The following RFX2 variants were observed in gnomAD, a reference collection of about 807,000 sequenced individuals.
RFX2 encodes DNA-binding protein RFX2.
A neutral mutation model predicts 87.8 loss-of-function variants in RFX2; 20 were observed. The observed-to-expected ratio is 0.23, with a 90% CI of 0.16 to 0.33. RFX2 has a LOEUF of 0.33. RFX2 is among the 10% of genes least tolerant of loss of function. The pLI, the probability that RFX2 is intolerant of heterozygous loss-of-function variation, is 1.00. For synonymous variants in RFX2, 397 were observed against 431.3 expected, an observed-to-expected ratio of 0.92 and a Z score of 0.98; for missense variants, 767 against 1,012.3, an observed-to-expected ratio of 0.76 and a Z score of 3.29.
At chr19:6,014,839 C>T (rs1599852911) in intron 7 of RFX2, among the ~76,000 whole-genome samples, 1 of 152,172 alleles carries the variant, frequency 6.6e-6, no homozygotes, top group Non-Finnish European at 1.5e-5. Flanking sequence ...CTCTGGTCCT[C>T]GTGGATCCAC....
rs1320575925 is a variant in RFX2, at chr19:6,056,464, A to G, written c.-8-8960T>C. 2.0e-5 allele frequency among the ~76,000 whole-genome samples: 3 copies of G among 152,180 alleles called. No individual in the cohort carries two copies. The highest frequency in any genetic ancestry group is 4.4e-5 in the Non-Finnish European group (3 of 68,022). ...CAGTAGCTCACATGGTCCTCCCAGA[A>G]GGGGTGATGCTGGATCCTGAGTAAC... is the stretch of plus-strand genomic sequence containing the variant. On this transcript the variant is annotated intron_variant, in intron 1 of 17. Transcript: ENST00000303657. The surrounding 1 kb of genome is among the most constrained non-coding windows in gnomAD (Gnocchi z 4.6).
In RFX2 at chr19:5,999,879, G is replaced by A. The variant is rs2086467839; in HGVS notation, c.1859+1936C>T. On this transcript the variant is annotated intron_variant, in intron 15 of 17. Coordinates refer to ENST00000303657, the MANE Select transcript of RFX2 (RefSeq NM_000635.4). This position sits in a 1 kb window ranked among gnomAD's most constrained non-coding sequence, Gnocchi z 4.1. ...GGGAAAGATGTTCCAGGCAAGGGGG[G>A]CAGGTGCAAAGGCCCTGAGGCAGCG... Among the ~76,000 whole-genome samples the A allele has an allele frequency of 6.6e-6, 1 of 152,188 alleles. No individual in the cohort carries two copies. Among genetic ancestry groups the A allele is most frequent in the Non-Finnish European group, 1.5e-5 (1 of 68,040 alleles).
intron 5 of RFX2, among the ~76,000 whole-genome samples, chr19:6,036,266 G>A (rs1176305425): frequency 2.6e-5 from 4 of 152,180 alleles, no homozygotes; most frequent in Admixed American, 1.3e-4. Flanking sequence ...TAATGGCACC[G>A]AGGCACTAAG....
At chr19:6,043,312 C>G (rs941799050) in intron 3 of RFX2, among the ~76,000 whole-genome samples, 1 of 152,210 alleles carries the variant, frequency 6.6e-6, no homozygotes, top group East Asian at 1.9e-4. Context: ...CTGTCTGGAG[C>G]CTTTTCCTTC....
rs2144679981 is a variant in RFX2 at position 6,004,747 on chromosome 19, C to T, written c.1403-449G>A. On this transcript the variant is annotated intron_variant, in intron 12 of 17. Transcript: ENST00000303657. This position sits in a 1 kb window ranked among gnomAD's most constrained non-coding sequence, Gnocchi z 4.8. ...CACACACGTAAATACATTCTACCAACTTCCTAATTTATTTTAAAGTGGGTT... is the reference window on the plus strand; with the variant it reads ...CACACACGTAAATACATTCTACCAATTTCCTAATTTATTTTAAAGTGGGTT... Among the ~76,000 whole-genome samples, 1 of 151,838 alleles carries T rather than the reference C, an allele frequency of 6.6e-6. No homozygotes were observed. Among genetic ancestry groups the T allele is most frequent in the East Asian group, 1.9e-4 (1 of 5,144 alleles).
At chr19:6,046,605 C>CTTTTTTTTTT (rs55854937) in intron 2 of RFX2, among the ~76,000 whole-genome samples, 6 of 90,586 alleles carry the variant, frequency 6.6e-5, no homozygotes, top group East Asian at 5.8e-4. Flanking sequence ...GCCTTTTTGC[C>CTTTTTTTTTT]TTTTTTTTTT....
rs764114622 is a variant in RFX2, at chr19:6,027,007, G to A, written c.523-770C>T. Among the ~76,000 whole-genome samples, 3 of 152,314 alleles carry A rather than the reference G, an allele frequency of 2.0e-5. No individual in the cohort carries two copies. Among genetic ancestry groups the A allele is most frequent in the African/African-American group, 2.4e-5 (1 of 41,566 alleles). ...CGATGGAGGAGGCACACAGCTGTGCGTGGCCACTAAGGCATTCGCACGCAT... is the reference window on the plus strand; with the variant it reads ...CGATGGAGGAGGCACACAGCTGTGCATGGCCACTAAGGCATTCGCACGCAT... On this transcript the variant is annotated intron_variant, in intron 5 of 17. Transcript: ENST00000303657. This position sits in a 1 kb window ranked among gnomAD's most constrained non-coding sequence, Gnocchi z 5.0.
At chr19:6,092,965 C>T (rs2087962071) in intron 1 of RFX2, among the ~76,000 whole-genome samples, 1 of 152,082 alleles carries the variant, frequency 6.6e-6, no homozygotes, top group Admixed American at 6.5e-5. Flanking sequence ...AAAAAAAGGC[C>T]CTGTGGTGTC....
intron 1 of RFX2, among the ~76,000 whole-genome samples, chr19:6,071,001 G>A (rs1305499046): frequency 6.6e-6 from 1 of 152,196 alleles, no homozygotes; most frequent in Admixed American, 6.5e-5. Context: ...GCAGGCGTGA[G>A]CCCCCGTGCC....
At position 6,044,244 on chromosome 19, in the gene RFX2, C is replaced by T. The variant is rs755146619; in HGVS notation, c.129G>A (p.Gly43=). 1 of 1,575,524 alleles carries T rather than the reference C, an allele frequency of 6.3e-7. No individual in the cohort carries two copies. Among genetic ancestry groups the T allele is most frequent in the East Asian group, 2.3e-5 (1 of 42,680 alleles). The change falls in exon 3 of 18, where the codon GGG becomes GGA. Residue 43 remains glycine, a synonymous_variant. Coordinates refer to ENST00000303657, the MANE Select transcript of RFX2 (RefSeq NM_000635.4). The surrounding 1 kb of genome is among the most constrained non-coding windows in gnomAD (Gnocchi z 5.3). The part of the protein sequence containing the change: ...LVQAASSNPK[G]AQMQPISLPR... ...GGAGGGAGATCGGCTGCATCTGGGC[C>T]CCTTTGGGATTGGAGCTGGCTGCCT...
At chr19:6,104,607 A>G (rs545300224) in intron 1 of RFX2, among the ~76,000 whole-genome samples, 21 of 151,340 alleles carry the variant, frequency 1.4e-4, no homozygotes, top group African/African-American at 1.9e-4. Flanking sequence ...GGGTGTCGCT[A>G]TGTTGCCCAG....
chr19:5,999,984 ATT>A lies in RFX2; in HGVS notation c.1859+1829_1859+1830del, dbSNP rs60431255. ...CTGAGGGGTCAGCAAACTTGTTCTT[ATT>A]TTTTTTTTTTTTCTTGAGATGGAGT... is the stretch of plus-strand genomic sequence containing the variant. On this transcript the variant is annotated intron_variant, in intron 15 of 17. Coordinates refer to ENST00000303657, the MANE Select transcript of RFX2 (RefSeq NM_000635.4). This position sits in a 1 kb window ranked among gnomAD's most constrained non-coding sequence, Gnocchi z 4.1. Among the ~76,000 whole-genome samples the A allele has an allele frequency of 2.0e-3, 282 of 142,042 alleles. 1 individual carries two copies. The highest frequency in any genetic ancestry group is 2.5e-3 in the African/African-American group (97 of 38,852). The allele number at this position is 142,042 out of a possible 152,430, so 93.2% of individuals were successfully genotyped here.
At chr19:6,071,024 C>T (rs1403461043) in intron 1 of RFX2, among the ~76,000 whole-genome samples, 2 of 152,232 alleles carry the variant, frequency 1.3e-5, no homozygotes, top group Non-Finnish European at 2.9e-5. Context: ...GCCCTCACTG[C>T]TTTCCTTATG....
intron 1 of RFX2, among the ~76,000 whole-genome samples, chr19:6,060,194 C>T (rs77294189): frequency 6.6e-6 from 1 of 152,200 alleles, no homozygotes; most frequent in Non-Finnish European, 1.5e-5. Context: ...GACCTCCCCC[C>T]ACTATCTCAC....
chr19:6,100,546 C>G (rs991330402), intron 1 of RFX2, among the ~76,000 whole-genome samples: 1 of 152,052 alleles, frequency 6.6e-6, no homozygotes, highest in Non-Finnish European at 1.5e-5. Context: ...AGGGCTACTT[C>G]CAGTAAGAAG....
At chr19:6,068,738 T>C (rs565499305) in intron 1 of RFX2, among the ~76,000 whole-genome samples, 72 of 152,212 alleles carry the variant, frequency 4.7e-4, no homozygotes, top group African/African-American at 1.7e-3. Context: ...CACAGGCCAT[T>C]GTAGGGGCTC....
At position 6,011,681 on chromosome 19, in the gene RFX2, C is replaced by G. The variant is rs2086661483; in HGVS notation, c.899+1305G>C. On this transcript the variant is annotated intron_variant, in intron 8 of 17. Transcript: ENST00000303657. The surrounding 1 kb of genome is among the most constrained non-coding windows in gnomAD (Gnocchi z 4.8). ...CAGACAACGAGGTACAGAAGGAATG[C>G]TCTGGAAACTCTCTCCTGGAACCTC... is the stretch of plus-strand genomic sequence containing the variant. 6.6e-6 allele frequency among the ~76,000 whole-genome samples: 1 copy of G among 152,238 alleles called. No individual in the cohort carries two copies. Among genetic ancestry groups the G allele is most frequent in the Non-Finnish European group, 1.5e-5 (1 of 68,038 alleles).
At position 5,994,871 on chromosome 19, in the gene RFX2, C is replaced by T. The variant is rs1243344493; in HGVS notation, c.2136G>A (p.Glu712=). 6.2e-7 allele frequency: 1 copy of T among 1,610,688 alleles called. No homozygotes were observed. Residue 712 remains glutamate (E), a synonymous_variant, in exon 18 of 18, where the codon GAG becomes GAA. Coordinates refer to ENST00000303657, the MANE Select transcript of RFX2 (RefSeq NM_000635.4). Reference sequence around the variant, plus strand: ...GCAGGGAGTGGTTGGGGTCACTGCGCTCCCGCTTTACCAGGGGCTCACCCA... The same window carrying T: ...GCAGGGAGTGGTTGGGGTCACTGCGTTCCCGCTTTACCAGGGGCTCACCCA... ...RSLGEPLVKR[E]RSDPNHSLQG...
chr19:6,075,543 G>A (rs2087680003), intron 1 of RFX2, among the ~76,000 whole-genome samples: 1 of 152,282 alleles, frequency 6.6e-6, no homozygotes, highest in African/African-American at 2.4e-5. Flanking sequence ...GTTTGCTGAC[G>A]GGTTTGACAT....
Sources: allele counts gnomAD v4.1 joint callset (sites outside exome capture counted in the v4.1 genomes callset), GRCh38; gene constraint gnomAD v4.1.1; non-coding constraint Gnocchi (gnomAD v3.1); transcripts MANE v1.5; gene names NCBI Gene and HGNC (gene_info 2026-07-23, HGNC 2026-07-21).